ASTN2: variants seen among roughly 807,000 people sequenced by gnomAD.
The protein encoded by ASTN2 is astrotactin-2.
In ASTN2, 54 loss-of-function variants were observed where a neutral mutation model predicts 139.8. The observed-to-expected ratio is 0.39, with a 90% CI of 0.31 to 0.48. ASTN2 has a LOEUF of 0.48. Ranked by LOEUF, ASTN2 falls within the 20% of genes least tolerant of loss-of-function variation. The pLI, the probability that ASTN2 is intolerant of heterozygous loss-of-function variation, is 0.95. For missense variants in ASTN2, 1,565 were observed against 1,725.1 expected (o/e 0.91, Z 1.64); for synonymous variants, 756 against 719.5 (o/e 1.05, Z -0.81).
intron 13 of ASTN2, among the ~76,000 whole-genome samples, chr9:116,754,156 C>T (rs561326024): frequency 3.6e-4 from 55 of 152,238 alleles, no homozygotes; most frequent in Non-Finnish European, 5.9e-4. Context: ...TTTTTTATGG[C>T]TGCATAGTAT....
chr9:117,372,166 A>G lies in ASTN2; in HGVS notation c.442+42331T>C, dbSNP rs1026460024. Among the ~76,000 whole-genome samples, 8 of 152,182 alleles carry G rather than the reference A, an allele frequency of 5.3e-5. 1 individual carries two copies. Among genetic ancestry groups the G allele is most frequent in the African/African-American group, 1.9e-4 (8 of 41,454 alleles). On this transcript the variant is annotated intron_variant, in intron 1 of 22. Coordinates refer to ENST00000313400, the MANE Select transcript of ASTN2 (RefSeq NM_001365068.1). ...CAGTCCCCGAGGCCAGTGTGTGCAC[A>G]TTAGCATCCAGTCAATGCAATGACT...
chr9:116,534,493 G>A (rs866105508), intron 19 of ASTN2, among the ~76,000 whole-genome samples: 1 of 152,250 alleles, frequency 6.6e-6, no homozygotes, highest in South Asian at 2.1e-4. Flanking sequence ...TCTCTTGTGG[G>A]CATTTAGTGC....
At chr9:117,070,117 C>T (rs1393263782) in intron 5 of ASTN2, among the ~76,000 whole-genome samples, 5 of 141,514 alleles carry the variant, frequency 3.5e-5, no homozygotes, top group Non-Finnish European at 7.7e-5. Context: ...ATGGTCTTTA[C>T]ATTTTGGCAT....
intron 15 of ASTN2, among the ~76,000 whole-genome samples, chr9:116,727,022 ACACACACAC>A (rs1283362915): frequency 1.2e-4 from 9 of 72,496 alleles, no homozygotes; most frequent in Non-Finnish European, 3.2e-4. Context: ...CAACACACAC[ACACACACAC>A]ACACACACAC....
intron 2 of ASTN2, among the ~76,000 whole-genome samples, chr9:117,248,708 T>C (rs944153127): frequency 2.0e-5 from 3 of 152,222 alleles, no homozygotes; most frequent in Non-Finnish European, 4.4e-5. Flanking sequence ...TGTGCTATCA[T>C]GTGTTTGATC....
At chr9:116,798,268 C>A (rs1480326395) in intron 13 of ASTN2, among the ~76,000 whole-genome samples, 1 of 152,194 alleles carries the variant, frequency 6.6e-6, no homozygotes, top group Non-Finnish European at 1.5e-5. Flanking sequence ...AAGGTTCTGT[C>A]CCAGACAGAC....
intron 10 of ASTN2, among the ~76,000 whole-genome samples, chr9:116,973,034 A>C (rs1314170243): frequency 6.6e-6 from 1 of 152,370 alleles, no homozygotes; most frequent in South Asian, 2.1e-4. Flanking sequence ...GTCATGTCAA[A>C]CAAGGTTTAT....
At chr9:117,118,477 T>A (rs1829459516) in intron 4 of ASTN2, among the ~76,000 whole-genome samples, 2 of 152,162 alleles carry the variant, frequency 1.3e-5, no homozygotes, top group African/African-American at 4.8e-5. Flanking sequence ...GATGAAGCTA[T>A]CATCGTCTGT....
At chr9:116,527,456 AAATT>A (rs1287916137) in intron 19 of ASTN2, among the ~76,000 whole-genome samples, 2 of 152,218 alleles carry the variant, frequency 1.3e-5, no homozygotes, top group Non-Finnish European at 2.9e-5. Flanking sequence ...AGATAAATGA[AAATT>A]AAAACTGCAA....
At chr9:117,001,314 C>T (rs2132570434) in intron 7 of ASTN2, among the ~76,000 whole-genome samples, 1 of 152,260 alleles carries the variant, frequency 6.6e-6, no homozygotes, top group East Asian at 1.9e-4. Context: ...CCTAAATATA[C>T]ATAGGGCTTC....
At chr9:117,197,390 GAT>G (rs1336954336) in intron 3 of ASTN2, 2 of 152,198 alleles carry the variant, frequency 1.3e-5, no homozygotes, top group Non-Finnish European at 2.9e-5. Context: ...TGCAAAGTTT[GAT>G]ATATTTGGTA....
At chr9:116,664,118 A>G (rs1017329313) in intron 16 of ASTN2, among the ~76,000 whole-genome samples, 2 of 152,192 alleles carry the variant, frequency 1.3e-5, no homozygotes, top group Non-Finnish European at 2.9e-5. Context: ...AAAAACTATG[A>G]AGCATCCAAA....
chr9:116,843,811 C>T (rs965146502), intron 11 of ASTN2, among the ~76,000 whole-genome samples: 1 of 152,092 alleles, frequency 6.6e-6, no homozygotes, highest in South Asian at 2.1e-4. Flanking sequence ...ACTTATTGGG[C>T]ACTACGCTTA....
At chr9:117,382,093 C>T (rs1024907709) in intron 1 of ASTN2, among the ~76,000 whole-genome samples, 6 of 152,056 alleles carry the variant, frequency 3.9e-5, no homozygotes, top group Admixed American at 6.6e-5. Context: ...TAATGGGATG[C>T]TGATGGGGAA....
chr9:116,919,010 G>C (rs1243564934), intron 10 of ASTN2, among the ~76,000 whole-genome samples: 30 of 150,760 alleles, frequency 2.0e-4, no homozygotes, highest in Non-Finnish European at 4.1e-4. Context: ...ATCATTTTGG[G>C]CTTTTTTTTT....
chr9:117,113,155 T>C (rs979374908), intron 4 of ASTN2, among the ~76,000 whole-genome samples: 1 of 152,172 alleles, frequency 6.6e-6, no homozygotes, highest in Non-Finnish European at 1.5e-5. Context: ...GCATCATGTA[T>C]CCACTTTGGA....
In ASTN2 at chr9:117,309,482, C is replaced by T. The variant is rs111997060; in HGVS notation, c.443-17969G>A. Among the ~76,000 whole-genome samples, 1,472 of 152,176 alleles carry T rather than the reference C, an allele frequency of 9.7e-3. 25 individuals carry two copies. Among genetic ancestry groups the T allele is most frequent in the African/African-American group, 0.034 (1,398 of 41,528 alleles). On this transcript the variant is annotated intron_variant, in intron 1 of 22. Transcript: ENST00000313400. ...AGAATGCGCTTTATGGCAGGCCATG[C>T]GTTTTTAAGAATGACAACTCTTCAC...
chr9:116,484,575 C>T (rs1849278534), intron 20 of ASTN2, among the ~76,000 whole-genome samples: 1 of 152,176 alleles, frequency 6.6e-6, no homozygotes, highest in Admixed American at 6.5e-5. Context: ...GGTCAGACTC[C>T]ATGGGAGGAG....
chr9:116,905,352 A>G (rs1467163478), intron 10 of ASTN2, among the ~76,000 whole-genome samples: 2 of 152,192 alleles, frequency 1.3e-5, no homozygotes, highest in African/African-American at 4.8e-5. Context: ...CACAGGATAT[A>G]AAAGGAGACG....
Sources: gnomAD v4.1 joint callset for allele counts (sites outside exome capture counted in the v4.1 genomes callset) on GRCh38, gnomAD v4.1.1 for gene constraint, MANE v1.5 for transcripts, NCBI Gene and HGNC (gene_info 2026-07-23, HGNC 2026-07-21) for gene names.